MROH2B: variants seen among roughly 807,000 people sequenced by gnomAD.
MROH2B encodes maestro heat-like repeat-containing protein family member 2B.
MROH2B carries 177 observed loss-of-function variants against 208.6 expected under a neutral mutation model. The ratio of observed to expected loss-of-function variants is 0.85; its 90% CI spans 0.75 to 0.96. The LOEUF (loss-of-function observed/expected upper bound fraction) is 0.96, where lower values mean the gene tolerates loss of function less well. Among genes scored for constraint, MROH2B ranks in the 40% least tolerant of loss-of-function variants. The pLI is 0.00. For missense variants in MROH2B, 2,002 were observed against 1,878.7 expected, an observed-to-expected ratio of 1.07 and a Z score of -1.21; for synonymous variants, 728 against 659.0, an observed-to-expected ratio of 1.10 and a Z score of -1.60.
intron 5 of MROH2B, among the ~76,000 whole-genome samples, chr5:41,063,738 G>A (rs569130120): frequency 6.6e-6 from 1 of 152,320 alleles, no homozygotes; most frequent in African/African-American, 2.4e-5. Flanking sequence ...CTGGGACTGA[G>A]AGAAGGGCAG....
chr5:41,047,820 A>C, intron 16 of MROH2B, 56 bp from the exon 17 acceptor site: 3 of 1,457,934 alleles, frequency 2.1e-6, no homozygotes, highest in South Asian at 1.2e-5. Context: ...CCCAAGACTC[A>C]AATTCTCCCC....
At position 41,070,946 on chromosome 5, in the gene MROH2B, T is replaced by C; in HGVS notation, c.-94A>G. 7.7e-7 allele frequency: 1 copy of C among 1,290,352 alleles called. No individual in the cohort carries two copies. Among genetic ancestry groups the C allele is most frequent in the Non-Finnish European group, 1.1e-6 (1 of 908,376 alleles). The allele number at this position is 1,290,352 out of a possible 1,614,324, so 79.9% of individuals were successfully genotyped here. Reference sequence around the variant, plus strand: ...AAGAGGCAGGTTGGCAAGTTTCTCATATAAGGTTCACATAAGCCTCTCTAA... The same window carrying C: ...AAGAGGCAGGTTGGCAAGTTTCTCACATAAGGTTCACATAAGCCTCTCTAA... On this transcript the variant is annotated 5_prime_UTR_variant, in exon 1 of 42. In the 5' UTR this introduces an upstream ATG that the reference lacks. Coordinates refer to ENST00000399564, the MANE Select transcript of MROH2B (RefSeq NM_173489.5).
In MROH2B at chr5:41,023,329, G is replaced by A. The variant is rs1742227102; in HGVS notation, c.2442-4311C>T. Among the ~76,000 whole-genome samples the A allele has an allele frequency of 2.0e-5, 3 of 152,324 alleles. No homozygotes were observed. The South Asian group carries it at 6.2e-4, about 32-fold the overall frequency. ...GATGAATGGCTAACTAGAATAACCA[G>A]TGTAGAGGAGTCCTTAAATGACCTG... On this transcript the variant is annotated intron_variant, in intron 24 of 41. Coordinates refer to ENST00000399564, the MANE Select transcript of MROH2B (RefSeq NM_173489.5).
intron 29 of MROH2B, among the ~76,000 whole-genome samples, chr5:41,013,973 A>G (rs1215112471): frequency 6.6e-6 from 1 of 152,142 alleles, no homozygotes; most frequent in African/African-American, 2.4e-5. Context: ...AACAGTCTAT[A>G]TTCAAGTCTC....
intron 5 of MROH2B, among the ~76,000 whole-genome samples, chr5:41,062,665 C>T (rs1238152620): frequency 6.6e-6 from 1 of 152,080 alleles, no homozygotes; most frequent in Non-Finnish European, 1.5e-5. Flanking sequence ...ATTAATTAGT[C>T]CATTCTTCAG....
At chr5:41,069,272 G>A (rs1438043350) in intron 2 of MROH2B, among the ~76,000 whole-genome samples, 3 of 152,100 alleles carry the variant, frequency 2.0e-5, no homozygotes, top group Admixed American at 6.6e-5. Flanking sequence ...TTTATAAAAG[G>A]TTGTTGAAAT....
At chr5:41,060,826 C>T (rs562065585) in intron 6 of MROH2B, among the ~76,000 whole-genome samples, 23 of 152,194 alleles carry the variant, frequency 1.5e-4, no homozygotes, top group Non-Finnish European at 2.4e-4. Context: ...ATGTTGCTAA[C>T]GATTTAACTA....
At chr5:41,000,893 C>A (rs1741378178) in intron 37 of MROH2B, 60 bp from the exon 38 acceptor site, 9 of 1,533,600 alleles carry the variant, frequency 5.9e-6, no homozygotes, top group Non-Finnish European at 6.2e-6. Flanking sequence ...CCTGCTAGCA[C>A]ACTCTTGGCT....
intron 30 of MROH2B, among the ~76,000 whole-genome samples, chr5:41,011,169 G>A (rs1182997746): frequency 6.6e-6 from 1 of 152,130 alleles, no homozygotes; most frequent in Non-Finnish European, 1.5e-5. Context: ...CATGGACACA[G>A]GCATATATCT....
Position 40,999,714 on chromosome 5 carries a change from G to C in MROH2B, c.4548C>G (p.Thr1516=). The change falls in exon 40 of 42, where the codon ACC becomes ACG. Residue 1516 remains threonine (T), a synonymous_variant. Coordinates refer to ENST00000399564, the MANE Select transcript of MROH2B (RefSeq NM_173489.5). ...CAGCTGCACTCCTGATCACCTCCCA[G>C]GTGCTGGTGAAGAAGGTGAAGGAGT... The part of the protein sequence containing the change: ...HTHSFTFFTS[T]WEVIRSAAVK... The C allele has an allele frequency of 1.9e-6, 3 of 1,613,706 alleles. No individual in the cohort carries two copies. The highest frequency in any genetic ancestry group is 2.5e-6 in the Non-Finnish European group (3 of 1,179,638).
intron 5 of MROH2B, among the ~76,000 whole-genome samples, chr5:41,063,347 G>GGCTC (rs1440550226): frequency 2.6e-5 from 4 of 152,118 alleles, no homozygotes; most frequent in African/African-American, 9.7e-5. Flanking sequence ...TGACAGTCTT[G>GGCTC]GCTCTGCCAT....
chr5:41,064,722 C>T (rs1324669071), intron 4 of MROH2B, among the ~76,000 whole-genome samples, 152 bp from the exon 5 acceptor site: 1 of 152,142 alleles, frequency 6.6e-6, no homozygotes, highest in Non-Finnish European at 1.5e-5. Context: ...GCCATCTCTA[C>T]CCCACCTTAA....
chr5:41,052,461 A>C lies in MROH2B; in HGVS notation c.1230+4T>G. The stretch of plus-strand genomic sequence containing the variant: ...CATCACTCAAAACTGTAGCCTCTGC[A>C]TACCAGATTCCTGTTCAACGTTGCA... On this transcript the variant is annotated splice_donor_region_variant and intron_variant, in intron 12 of 41. Coordinates refer to ENST00000399564, the MANE Select transcript of MROH2B (RefSeq NM_173489.5). The C allele has an allele frequency of 1.2e-6, 2 of 1,611,588 alleles. No individual in the cohort carries two copies. Among genetic ancestry groups the C allele is most frequent in the Non-Finnish European group, 1.7e-6 (2 of 1,178,564 alleles).
In MROH2B at chr5:41,049,506, A is replaced by C; in HGVS notation, c.1345-70T>G. 5 of 1,507,380 alleles carry C rather than the reference A, an allele frequency of 3.3e-6. No homozygotes were observed. In the South Asian group the frequency reaches 4.1e-5, roughly 12 times the overall value. 93.4% of individuals were successfully genotyped at this position (1,507,380 alleles called of 1,614,324 possible). ...ATTATTTCTCCCTGGTCCTCACTGC[A>C]TGTTTTTCTCTGATTTAGAAGCTTT... On this transcript the variant is annotated intron_variant, in intron 13 of 41. Transcript: ENST00000399564.
At chr5:41,017,596 C>G (rs1273409729) in intron 28 of MROH2B, among the ~76,000 whole-genome samples, 3 of 151,694 alleles carry the variant, frequency 2.0e-5, no homozygotes, top group Non-Finnish European at 4.4e-5. Context: ...ATCTAGGAGA[C>G]AGATTCTGTG....
chr5:41,065,899 G>A (rs900960046), intron 3 of MROH2B, among the ~76,000 whole-genome samples: 8 of 152,136 alleles, frequency 5.3e-5, no homozygotes, highest in African/African-American at 1.9e-4. Context: ...TCTAGCGTTG[G>A]GACGAAGGGA....
At chr5:41,012,530 A>G in intron 30 of MROH2B, 53 bp downstream of exon 30, 3 of 1,564,116 alleles carry the variant, frequency 1.9e-6, no homozygotes, top group African/African-American at 2.7e-5. Context: ...CTGACTTGGC[A>G]TTTCAGAAGT....
intron 35 of MROH2B, 108 bp downstream of exon 35, chr5:41,005,423 C>CACCT (rs777438461): frequency 1.2e-5 from 3 of 242,602 alleles, no homozygotes; most frequent in Admixed American, 5.6e-5. Context: ...ACCCCCCCCC[C>CACCT]CCTTGAAGTC....
At chr5:41,059,152 C>T (rs537839807) in intron 6 of MROH2B, among the ~76,000 whole-genome samples, 1 of 151,976 alleles carries the variant, frequency 6.6e-6, no homozygotes, top group Admixed American at 6.6e-5. Flanking sequence ...TGGAGCAAAG[C>T]GTTTCCAAGG....
Sources: gnomAD v4.1 joint callset for allele counts (sites outside exome capture counted in the v4.1 genomes callset) on GRCh38, gnomAD v4.1.1 for gene constraint, MANE v1.5 for transcripts, NCBI Gene and HGNC (gene_info 2026-07-23, HGNC 2026-07-21) for gene names.